CHRNA9: variants seen among roughly 807,000 people sequenced by gnomAD.
CHRNA9 encodes the protein cholinergic receptor nicotinic alpha 9 subunit, also known as neuronal acetylcholine receptor subunit alpha-9.
Under a neutral mutation model 36.8 loss-of-function variants are expected in CHRNA9, and 24 were observed. The observed-to-expected ratio is 0.65, with a 90% CI of 0.47 to 0.92. The LOEUF (loss-of-function observed/expected upper bound fraction) is 0.92. Ranked by LOEUF, CHRNA9 falls within the 40% of genes least tolerant of loss-of-function variation. The pLI is 0.00. For synonymous variants in CHRNA9, 231 were observed against 231.8 expected (o/e 1.00, Z 0.03); for missense variants, 610 against 601.2 (o/e 1.01, Z -0.15).
chr4:40,343,763 T>G (rs1368047233), intron 3 of CHRNA9, among the ~76,000 whole-genome samples: 1 of 152,204 alleles, frequency 6.6e-6, no homozygotes, highest in African/African-American at 2.4e-5. Context: ...AAAACACAGT[T>G]AGAAACAGAG....
At chr4:40,349,717 T>TA (rs1712742545) in intron 4 of CHRNA9, 1 of 291,374 alleles carries the variant, frequency 3.4e-6, no homozygotes, top group Non-Finnish European at 6.4e-6. Flanking sequence ...CCTGGGAACT[T>TA]ATAGAAACAC....
chr4:40,350,212 T>C (rs1324755685), intron 4 of CHRNA9, among the ~76,000 whole-genome samples: 4 of 152,106 alleles, frequency 2.6e-5, no homozygotes, highest in Non-Finnish European at 4.4e-5. Flanking sequence ...AAATGCAAGT[T>C]CCTACACCCA....
chr4:40,350,614 A>T (rs1712772583), intron 4 of CHRNA9, among the ~76,000 whole-genome samples: 1 of 151,834 alleles, frequency 6.6e-6, no homozygotes, highest in South Asian at 2.1e-4. Flanking sequence ...TACTGAGTCC[A>T]GTTACCCAAT....
chr4:40,346,529 G>A (rs1328901104), intron 3 of CHRNA9, among the ~76,000 whole-genome samples: 1 of 152,184 alleles, frequency 6.6e-6, no homozygotes, highest in Non-Finnish European at 1.5e-5. Context: ...AGTAGGATGG[G>A]TGAGCAGTGT....
Position 40,349,135 on chromosome 4 carries a change from G to T in CHRNA9, c.619G>T (p.Gly207Cys). 6.2e-7 allele frequency: 1 copy of T among 1,614,176 alleles called. No homozygotes were observed. The highest frequency in any genetic ancestry group is 1.3e-5 in the African/African-American group (1 of 75,044). ...FIEDVEWEVH[G>C]MPAVKNVISY... The stretch of plus-strand genomic sequence containing the variant: ...TGAAGATGTGGAATGGGAGGTCCAT[G>T]GCATGCCCGCTGTGAAGAATGTGAT... The change falls in exon 4 of 5, where the codon GGC (glycine) becomes TGC (cysteine). Residue 207 changes from glycine to cysteine, a missense_variant. By Grantham distance (159) the Gly-to-Cys change is radical. Coordinates refer to ENST00000310169, the MANE Select transcript of CHRNA9 (RefSeq NM_017581.4).
rs541251401 is a variant in CHRNA9 at position 40,341,868 on chromosome 4, A to T, written c.365+4504A>T. Among the ~76,000 whole-genome samples, 5 of 152,312 alleles carry T rather than the reference A, an allele frequency of 3.3e-5. No homozygotes were observed. The East Asian group carries it at 9.6e-4, about 29-fold the overall frequency. On this transcript the variant is annotated intron_variant, in intron 3 of 4. Coordinates refer to ENST00000310169, the MANE Select transcript of CHRNA9 (RefSeq NM_017581.4). ...ATCCTCTCACTTCAGTCTCCTGAGT[A>T]GCTGGGACTACAGGTATGCACTACC...
In CHRNA9 at chr4:40,348,874, A is replaced by T. The variant is rs754605490; in HGVS notation, c.366-8A>T. ...ATGCGGCTTTCATTTTCCTTATCTGACCTTCAGGGCTGATGATGAATCTTC... is the reference window on the plus strand; with the variant it reads ...ATGCGGCTTTCATTTTCCTTATCTGTCCTTCAGGGCTGATGATGAATCTTC... On this transcript the variant is annotated splice_polypyrimidine_tract_variant and splice_region_variant and intron_variant, in intron 3 of 4. Coordinates refer to ENST00000310169, the MANE Select transcript of CHRNA9 (RefSeq NM_017581.4). 1.9e-6 allele frequency: 3 copies of T among 1,607,050 alleles called. No individual in the cohort carries two copies. The East Asian group carries it at 6.7e-5, about 36-fold the overall frequency.
chr4:40,354,364 T>C lies in CHRNA9; in HGVS notation c.1284T>C (p.Ile428=), dbSNP rs1363981318. Residue 428 remains isoleucine (I), a synonymous_variant, in exon 5 of 5, where the codon ATT becomes ATC. Transcript: ENST00000310169. ...AGTACAAAGTGCTGACGAGGAATAT[T>C]GAGTACATCGCCAAGTGCCTCAAAG... The part of the protein sequence containing the change: ...CAQYKVLTRN[I]EYIAKCLKDH... 1.9e-6 allele frequency: 3 copies of C among 1,614,182 alleles called. No individual in the cohort carries two copies. The highest frequency in any genetic ancestry group is 2.2e-5 in the East Asian group (1 of 44,878).
Position 40,354,068 on chromosome 4 carries a change from G to A in CHRNA9, c.988G>A (p.Ala330Thr). The A allele has an allele frequency of 5.0e-6, 8 of 1,614,188 alleles. No homozygotes were observed. Among genetic ancestry groups the A allele is most frequent in the Non-Finnish European group, 6.8e-6 (8 of 1,180,026 alleles). ...VMNIHFCGAE[A>T]RPVPHWARVV... is the part of the protein sequence containing the mutation. The stretch of plus-strand genomic sequence containing the variant: ...GAATATCCACTTCTGTGGGGCCGAG[G>A]CCCGGCCGGTGCCACACTGGGCCAG... The change falls in exon 5 of 5, where the codon GCC becomes ACC. Residue 330 changes from alanine (A) to threonine (T), a missense_variant. Coordinates refer to ENST00000310169, the MANE Select transcript of CHRNA9 (RefSeq NM_017581.4).
rs2109687542 is a variant in CHRNA9 at position 40,349,348 on chromosome 4, G to A, written c.832G>A (p.Ala278Thr). 3 of 1,614,064 alleles carry A rather than the reference G, an allele frequency of 1.9e-6. No homozygotes were observed. The highest frequency in any genetic ancestry group is 2.2e-5 in the East Asian group (1 of 44,888). The change falls in exon 4 of 5, where the codon GCC becomes ACC. Residue 278 changes from alanine (A) to threonine (T), a missense_variant. Coordinates refer to ENST00000310169, the MANE Select transcript of CHRNA9 (RefSeq NM_017581.4). ...KVSLGVTILL[A>T]MTVFQLMVAE... ...CTCCCTGGGAGTGACCATCCTGTTG[G>A]CCATGACTGTATTTCAGCTAATGGT...
At chr4:40,353,839 C>G in intron 4 of CHRNA9, 140 bp from the exon 5 acceptor site, 1 of 752,976 alleles carries the variant, frequency 1.3e-6, no homozygotes, top group Non-Finnish European at 2.1e-6. Context: ...TGTACATACA[C>G]TCTTATGATG....
chr4:40,337,665 CA>C (rs1273067081), intron 3 of CHRNA9, among the ~76,000 whole-genome samples: 1 of 152,106 alleles, frequency 6.6e-6, no homozygotes, highest in Non-Finnish European at 1.5e-5. Flanking sequence ...GATGACTTAA[CA>C]AAAATGTGTT....
At chr4:40,339,661 T>TAAA (rs1377034683) in intron 3 of CHRNA9, among the ~76,000 whole-genome samples, 2 of 46,398 alleles carry the variant, frequency 4.3e-5, no homozygotes, top group Admixed American at 2.2e-4. Context: ...AGACTCTATC[T>TAAA]CAAAAAAAAA....
rs577026450 is a variant in CHRNA9, at chr4:40,342,240, G to A, written c.365+4876G>A. On this transcript the variant is annotated intron_variant, in intron 3 of 4. Coordinates refer to ENST00000310169, the MANE Select transcript of CHRNA9 (RefSeq NM_017581.4). The stretch of plus-strand genomic sequence containing the variant: ...CAGAAGAGACTGGAAATAAAGGAGG[G>A]CGAGGAGAAACAGGTTTGGAAAAAA... Among the ~76,000 whole-genome samples, 22 of 152,290 alleles carry A rather than the reference G, an allele frequency of 1.4e-4. No individual in the cohort carries two copies. In the South Asian group the frequency reaches 1.5e-3, roughly 10 times the overall value.
Position 40,349,365 on chromosome 4 carries a change from G to T in CHRNA9, c.849G>T (p.Gln283His), listed in dbSNP as rs771884114. Residue 283 changes from glutamine (Q) to histidine (H), a missense_variant, in exon 4 of 5, where the codon CAG becomes CAT. By Grantham distance (24) the Gln-to-His change is conservative. Transcript: ENST00000310169. Reference protein sequence around the residue: ...VTILLAMTVFQLMVAEIMPAS... With the variant: ...VTILLAMTVFHLMVAEIMPAS... Reference sequence around the variant, plus strand: ...TCCTGTTGGCCATGACTGTATTTCAGCTAATGGTGGCAGAAATCATGCCGG... The same window carrying T: ...TCCTGTTGGCCATGACTGTATTTCATCTAATGGTGGCAGAAATCATGCCGG... The T allele has an allele frequency of 1.2e-6, 2 of 1,614,032 alleles. No homozygotes were observed. The highest frequency in any genetic ancestry group is 1.7e-6 in the Non-Finnish European group (2 of 1,179,960).
At chr4:40,338,308 A>G (rs73229800) in intron 3 of CHRNA9, 9,983 of 152,262 alleles carry the variant, frequency 0.066, 487 homozygotes, top group African/African-American at 0.12. Context: ...TTGTTAAAAT[A>G]CAGATTGTGA....
At chr4:40,343,976 T>C (rs1712568056) in intron 3 of CHRNA9, among the ~76,000 whole-genome samples, 1 of 152,198 alleles carries the variant, frequency 6.6e-6, no homozygotes, top group Admixed American at 6.5e-5. Flanking sequence ...GGGGAGATTA[T>C]CCTGGTGGGC....
chr4:40,345,288 G>T (rs1224513850), intron 3 of CHRNA9, among the ~76,000 whole-genome samples: 2 of 151,706 alleles, frequency 1.3e-5, no homozygotes, highest in Non-Finnish European at 2.9e-5. Flanking sequence ...GCGGTGGCTT[G>T]TACTGGTAAT....
chr4:40,354,203 A>G lies in CHRNA9; in HGVS notation c.1123A>G (p.Ser375Gly). Residue 375 changes from serine (S) to glycine (G), a missense_variant, in exon 5 of 5, where the codon AGC becomes GGC. Ser to Gly is a moderately conservative substitution (Grantham distance 56). Transcript: ENST00000310169. ...RERDHLTKVY[S>G]KLPESNLKAA... ...GCGGGACCACCTCACGAAAGTTTATAGCAAACTCCCAGAGTCTAACCTGAA... is the reference window on the plus strand; with the variant it reads ...GCGGGACCACCTCACGAAAGTTTATGGCAAACTCCCAGAGTCTAACCTGAA... 6.2e-7 allele frequency: 1 copy of G among 1,614,206 alleles called. No individual in the cohort carries two copies. The highest frequency in any genetic ancestry group is 8.5e-7 in the Non-Finnish European group (1 of 1,180,024).
Sources: allele counts gnomAD v4.1 joint callset (sites outside exome capture counted in the v4.1 genomes callset), GRCh38; gene constraint gnomAD v4.1.1; transcripts MANE v1.5; gene names NCBI Gene and HGNC (gene_info 2026-07-23, HGNC 2026-07-21).